SLFN11: variants seen among roughly 807,000 people sequenced by gnomAD.
SLFN11 encodes schlafen family member 11.
SLFN11 carries 43 observed loss-of-function variants against 53.4 expected under a neutral mutation model. The ratio of observed to expected loss-of-function variants is 0.80; its 90% CI spans 0.63 to 1.04. The LOEUF is 1.04. Ranked by LOEUF, SLFN11 falls within the 50% of genes least tolerant of loss-of-function variation. The pLI, the probability that SLFN11 is intolerant of heterozygous loss-of-function variation, is 0.00. For synonymous variants in SLFN11, 389 were observed against 394.7 expected (o/e 0.99, Z 0.17); for missense variants, 990 against 1,079.1 (o/e 0.92, Z 1.16).
intron 5 of SLFN11, among the ~76,000 whole-genome samples, chr17:35,354,538 A>AG (rs1162034456): frequency 6.6e-6 from 1 of 152,152 alleles, no homozygotes; most frequent in African/African-American, 2.4e-5. Context: ...ATAGTTGCAG[A>AG]GGAGAGGGAG....
At chr17:35,370,206 T>C (rs1228743773) in intron 1 of SLFN11, among the ~76,000 whole-genome samples, 1 of 152,172 alleles carries the variant, frequency 6.6e-6, no homozygotes, top group African/African-American at 2.4e-5. Context: ...TGATACATCA[T>C]ATCAACAGAA....
intron 5 of SLFN11, among the ~76,000 whole-genome samples, chr17:35,356,570 C>CT (rs1343793992): frequency 6.6e-6 from 1 of 152,074 alleles, no homozygotes; most frequent in Non-Finnish European, 1.5e-5. Flanking sequence ...TCAGCAACTA[C>CT]TTTTTTCTTC....
At chr17:35,353,267 C>T (rs772757916) in intron 6 of SLFN11, 69 bp downstream of exon 6, 83 of 1,606,494 alleles carry the variant, frequency 5.2e-5, no homozygotes, top group Non-Finnish European at 6.0e-5. Flanking sequence ...TCAAGAAAGA[C>T]GGTGACTTAG....
At chr17:35,364,599 C>A (rs1908716448) in intron 3 of SLFN11, among the ~76,000 whole-genome samples, 1 of 152,166 alleles carries the variant, frequency 6.6e-6, no homozygotes, top group Non-Finnish European at 1.5e-5. Flanking sequence ...TAAGGTCTTA[C>A]AGACCAGAGT....
At chr17:35,357,915 T>C (rs1371049173) in intron 5 of SLFN11, among the ~76,000 whole-genome samples, 1 of 146,562 alleles carries the variant, frequency 6.8e-6, no homozygotes, top group Non-Finnish European at 1.5e-5. Context: ...ATATTATATT[T>C]ATATATCTAT....
At chr17:35,365,988 A>AAGC (rs1160933879) in intron 3 of SLFN11, among the ~76,000 whole-genome samples, 1 of 152,248 alleles carries the variant, frequency 6.6e-6, no homozygotes, top group East Asian at 1.9e-4. Flanking sequence ...TCAGAAGAAA[A>AAGC]AGCACCTGTA....
chr17:35,368,597 G>T (rs1054541992), intron 1 of SLFN11, among the ~76,000 whole-genome samples: 4 of 152,078 alleles, frequency 2.6e-5, no homozygotes, highest in Admixed American at 1.3e-4. Context: ...GCAAGTCCTA[G>T]CCCTGAGCTG....
At chr17:35,354,133 CTAAT>C in intron 5 of SLFN11, 74 bp from the exon 6 acceptor site, 3 of 1,286,136 alleles carry the variant, frequency 2.3e-6, no homozygotes, top group East Asian at 2.5e-5. Context: ...TTATAATTAA[CTAAT>C]TGATTAACTA....
intron 5 of SLFN11, among the ~76,000 whole-genome samples, chr17:35,359,001 G>C (rs1381231560): frequency 6.6e-6 from 1 of 152,024 alleles, no homozygotes; most frequent in African/African-American, 2.4e-5. Context: ...CTGGGTGACA[G>C]AGCAAGATCC....
chr17:35,364,607 A>G (rs1908718675), intron 3 of SLFN11, among the ~76,000 whole-genome samples: 1 of 152,180 alleles, frequency 6.6e-6, no homozygotes, highest in Admixed American at 6.5e-5. Context: ...TACAGACCAG[A>G]GTTCATGGAG....
chr17:35,363,010 G>T lies in SLFN11; in HGVS notation c.798C>A (p.Asp266Glu). ...CTATTTTCCTTCTCAAAGAGTCAGG[G>T]TCAACATTTTCTTTTGCACATCCCA... is the stretch of plus-strand genomic sequence containing the variant. ...EVLGCAKENV[D>E]PDSLRRKIEQ... is the part of the protein sequence containing the mutation. The change falls in exon 4 of 7, where the codon GAC becomes GAA. Residue 266 changes from aspartate (D) to glutamate (E), a missense_variant. Physicochemically the swap from Asp to Glu is conservative, Grantham distance 45 (BLOSUM62 2). Around this residue, in one of 3 missense-constraint regions of SLFN11, gnomAD observed 521 missense variants for 516.2 expected, o/e 1.01. Transcript: ENST00000685675. 6.2e-7 allele frequency: 1 copy of T among 1,613,926 alleles called. No homozygotes were observed. The highest frequency in any genetic ancestry group is 1.7e-4 in the Middle Eastern group (1 of 6,060).
chr17:35,360,475 A>G (rs994038175), intron 4 of SLFN11, 104 bp from the exon 5 acceptor site: 18 of 1,087,208 alleles, frequency 1.7e-5, no homozygotes, highest in Non-Finnish European at 1.9e-5. Context: ...GTTTGACTTG[A>G]GAGATAATAT....
chr17:35,357,806 TAAAG>T (rs1432377185), intron 5 of SLFN11, among the ~76,000 whole-genome samples: 1 of 143,666 alleles, frequency 7.0e-6, no homozygotes, highest in African/African-American at 2.5e-5. Context: ...AAATATAATA[TAAAG>T]ATTTTAAAAA....
Position 35,352,248 on chromosome 17 carries a change from T to G in SLFN11, c.*108A>C, listed in dbSNP as rs1224672549. ...AAATGGGGGAGCTCCAAACTCTTTG[T>G]GTCAGCTCCGTCCAAATCTCTGACT... On this transcript the variant is annotated 3_prime_UTR_variant, in exon 7 of 7. Coordinates refer to ENST00000685675, the MANE Select transcript of SLFN11 (RefSeq NM_001376007.1). 4 of 1,403,790 alleles carry G rather than the reference T, an allele frequency of 2.8e-6. No individual in the cohort carries two copies. The highest frequency in any genetic ancestry group is 2.9e-6 in the Non-Finnish European group (3 of 1,027,352). 87.0% of individuals were successfully genotyped at this position (1,403,790 alleles called of 1,614,324 possible).
Position 35,352,249 on chromosome 17 carries a change from G to GAAC in SLFN11, c.*106_*107insGTT. The GAAC allele has an allele frequency of 7.1e-7, 1 of 1,406,150 alleles. No individual in the cohort carries two copies. The highest frequency in any genetic ancestry group is 1.4e-5 in the South Asian group (1 of 73,620). 87.1% of individuals were successfully genotyped at this position (1,406,150 alleles called of 1,614,324 possible). On this transcript the variant is annotated 3_prime_UTR_variant, in exon 7 of 7. Transcript: ENST00000685675. ...AATGGGGGAGCTCCAAACTCTTTGT[G>GAAC]TCAGCTCCGTCCAAATCTCTGACTT...
At chr17:35,364,325 G>A (rs1443284723) in intron 3 of SLFN11, among the ~76,000 whole-genome samples, 2 of 152,068 alleles carry the variant, frequency 1.3e-5, no homozygotes, top group Admixed American at 6.5e-5. Flanking sequence ...ACCAGAGGTA[G>A]GAGAAAAACC....
Position 35,362,900 on chromosome 17 carries a change from A to C in SLFN11, c.908T>G (p.Leu303Ter). The change falls in exon 4 of 7, where the codon TTA (leucine) becomes TGA (stop). Residue 303 changes from leucine (L) to a stop codon, truncating the protein, a stop_gained. Coordinates refer to ENST00000685675, the MANE Select transcript of SLFN11 (RefSeq NM_001376007.1). LOFTEE classifies it high-confidence loss of function. ...ITFTLKIVNV[L>*]KRGELYGYAC... ...ATAGCCATAGAGCTCTCCCCTTTTT[A>C]ACACATTCACAATTTTGAGTGTGAA... 1.2e-6 allele frequency: 2 copies of C among 1,613,936 alleles called. No homozygotes were observed. Among genetic ancestry groups the C allele is most frequent in the Non-Finnish European group, 1.7e-6 (2 of 1,179,922 alleles).
intron 3 of SLFN11, 47 bp from the exon 4 acceptor site, chr17:35,363,873 A>C: frequency 7.0e-7 from 1 of 1,420,738 alleles, no homozygotes; most frequent in Non-Finnish European, 9.5e-7. Context: ...CATTTATTAA[A>C]AGGGTATTTA....
At chr17:35,353,226 C>A (rs148184161) in intron 6 of SLFN11, 87 bp from the exon 7 acceptor site, 1 of 1,597,554 alleles carries the variant, frequency 6.3e-7, no homozygotes, top group African/African-American at 1.3e-5. Flanking sequence ...GAGCACAGTA[C>A]ATTACCACAG....
Sources: gnomAD v4.1 joint callset for allele counts (sites outside exome capture counted in the v4.1 genomes callset) on GRCh38, gnomAD v4.1.1 for gene constraint, gnomAD v4.1.1 regional missense constraint, MANE v1.5 for transcripts, NCBI Gene and HGNC (gene_info 2026-07-23, HGNC 2026-07-21) for gene names.